Variants in NNMT observed in about 807,000 individuals in gnomAD.
The protein encoded by NNMT is nicotinamide N-methyltransferase.
NNMT carries 10 observed loss-of-function variants against 11.7 expected under a neutral mutation model. That is an observed-to-expected ratio of 0.85 (90% CI 0.53 to 1.45). The LOEUF is 1.45. Among genes scored for constraint, NNMT ranks in the 40% most tolerant of loss-of-function variants. The pLI is 0.00. For synonymous variants in NNMT, 143 were observed against 133.8 expected (o/e 1.07, Z -0.48); for missense variants, 381 against 319.4 (o/e 1.19, Z -1.47).
intron 1 of NNMT, 63 bp downstream of exon 1, chr11:114,296,773 C>G: frequency 6.5e-7 from 1 of 1,533,628 alleles, no homozygotes; most frequent in South Asian, 1.2e-5. Context: ...TCTCAGGGCA[C>G]GACTGGGTTT....
At chr11:114,284,944 A>G (rs1375339228) in intron 2 of NNMT, among the ~76,000 whole-genome samples, 2 of 150,964 alleles carry the variant, frequency 1.3e-5, no homozygotes, top group African/African-American at 2.4e-5. Flanking sequence ...TAATTTTTGT[A>G]TTTTCAGTAG....
At chr11:114,292,674 T>C (rs562361658), upstream of NNMT, among the ~76,000 whole-genome samples, 30 of 152,276 alleles carry the variant, frequency 2.0e-4, no homozygotes, top group South Asian at 2.9e-3. Context: ...TATTTACTTA[T>C]AACAAACATT....
intron 2 of NNMT, chr11:114,270,518 G>A (rs557668417): frequency 6.6e-6 from 1 of 152,146 alleles, no homozygotes; most frequent in Non-Finnish European, 1.5e-5. Context: ...TGGTAGTGTT[G>A]CCATAAAAAA....
chr11:114,263,607 T>C (rs1017390308), intron 2 of NNMT, among the ~76,000 whole-genome samples: 2 of 152,202 alleles, frequency 1.3e-5, no homozygotes, highest in African/African-American at 4.8e-5. Flanking sequence ...CTCAACCACC[T>C]GGCAGATAAC....
At chr11:114,259,607 C>T (rs556278600) in intron 1 of NNMT, among the ~76,000 whole-genome samples, 7 of 152,166 alleles carry the variant, frequency 4.6e-5, no homozygotes, top group Non-Finnish European at 8.8e-5. Context: ...GGCCCAGCCC[C>T]GCCGCCATCC....
intron 1 of NNMT, among the ~76,000 whole-genome samples, chr11:114,261,671 G>A (rs1945082218): frequency 6.6e-6 from 1 of 152,218 alleles, no homozygotes; most frequent in African/African-American, 2.4e-5. Flanking sequence ...GGCTGAGTAA[G>A]GAGGGAATGT....
intron 2 of NNMT, among the ~76,000 whole-genome samples, chr11:114,276,471 T>C (rs1306139792): frequency 6.6e-6 from 1 of 152,208 alleles, no homozygotes; most frequent in Non-Finnish European, 1.5e-5. Flanking sequence ...TCATTTGCTT[T>C]CCTCTTCGTT....
intron 1 of NNMT, among the ~76,000 whole-genome samples, chr11:114,260,876 C>T (rs935638260): frequency 3.3e-5 from 5 of 152,196 alleles, no homozygotes; most frequent in African/African-American, 9.7e-5. Context: ...GGGTTTGAGG[C>T]CAGCTCTGCT....
intron 2 of NNMT, among the ~76,000 whole-genome samples, chr11:114,280,197 T>G (rs1284283060): frequency 1.3e-5 from 2 of 151,884 alleles, no homozygotes; most frequent in Non-Finnish European, 2.9e-5. Flanking sequence ...AATAAACAAA[T>G]AAAGATGAGG....
At chr11:114,304,062 T>C (rs1055205309) in intron 2 of NNMT, among the ~76,000 whole-genome samples, 3 of 152,236 alleles carry the variant, frequency 2.0e-5, no homozygotes, top group Non-Finnish European at 4.4e-5. Context: ...TATGTGATTC[T>C]ACAGAATGAA....
chr11:114,267,577 A>C (rs1945131561), intron 2 of NNMT, among the ~76,000 whole-genome samples: 1 of 152,162 alleles, frequency 6.6e-6, no homozygotes, highest in African/African-American at 2.4e-5. Context: ...AATATACATA[A>C]AAATAGAATA....
chr11:114,264,306 T>A (rs991946159), intron 2 of NNMT, among the ~76,000 whole-genome samples: 5 of 152,084 alleles, frequency 3.3e-5, no homozygotes, highest in African/African-American at 1.2e-4. Context: ...CTGTCTTCCT[T>A]CCTTTTTCTT....
At chr11:114,265,835 G>GTTATTA (rs146596335) in intron 2 of NNMT, among the ~76,000 whole-genome samples, 9 of 151,872 alleles carry the variant, frequency 5.9e-5, no homozygotes, top group African/African-American at 2.2e-4. Context: ...TGTCCAATCT[G>GTTATTA]TTATTATTAT....
At chr11:114,300,823 A>T (rs1945431060) in intron 2 of NNMT, among the ~76,000 whole-genome samples, 1 of 152,058 alleles carries the variant, frequency 6.6e-6, no homozygotes, top group South Asian at 2.1e-4. Context: ...ACTTTTTCTG[A>T]TGTTAATATA....
chr11:114,301,619 G>T (rs1354516303), intron 2 of NNMT, among the ~76,000 whole-genome samples: 1 of 152,096 alleles, frequency 6.6e-6, no homozygotes, highest in Non-Finnish European at 1.5e-5. Flanking sequence ...CGGGGAGGGA[G>T]AGATAAATAG....
At chr11:114,291,622 C>T (rs557313836), upstream of NNMT, among the ~76,000 whole-genome samples, 12 of 152,234 alleles carry the variant, frequency 7.9e-5, no homozygotes, top group Non-Finnish European at 1.2e-4. Context: ...CTCATCTCTG[C>T]GGTGGCATTC....
intron 2 of NNMT, among the ~76,000 whole-genome samples, chr11:114,299,157 A>G (rs2135273249): frequency 6.6e-6 from 1 of 152,344 alleles, no homozygotes; most frequent in East Asian, 1.9e-4. Flanking sequence ...AACTTTCAAT[A>G]CAATATTGAA....
Position 114,312,600 on chromosome 11 carries a change from G to GTCCTAGATGA in NNMT, c.*123_*124insTCCTAGATGA. 1.1e-6 allele frequency: 1 copy of GTCCTAGATGA among 903,246 alleles called. No homozygotes were observed. Among genetic ancestry groups the GTCCTAGATGA allele is most frequent in the Non-Finnish European group, 1.7e-6 (1 of 589,700 alleles). The allele number at this position is 903,246 out of a possible 1,614,324, so 56.0% of individuals were successfully genotyped here. On this transcript the variant is annotated 3_prime_UTR_variant, in exon 3 of 3. Coordinates refer to ENST00000299964, the MANE Select transcript of NNMT (RefSeq NM_006169.3). The stretch of plus-strand genomic sequence containing the variant: ...GGTTGGGGCCCAATGGTTCATCTAG[G>GTCCTAGATGA]ACGGGACTAGAGAGGTCAGTCTACA...
chr11:114,300,733 A>G (rs954135726), intron 2 of NNMT, among the ~76,000 whole-genome samples: 1 of 152,166 alleles, frequency 6.6e-6, no homozygotes, highest in Non-Finnish European at 1.5e-5. Context: ...TAGGATTGTT[A>G]TGTCTTCTTG....
Sources: gnomAD v4.1 joint callset for allele counts (sites outside exome capture counted in the v4.1 genomes callset) on GRCh38, gnomAD v4.1.1 for gene constraint, MANE v1.5 for transcripts, NCBI Gene and HGNC (gene_info 2026-07-23, HGNC 2026-07-21) for gene names.